The following PHF19 variants were observed in gnomAD, a reference collection of about 807,000 sequenced individuals.
PHF19 encodes the protein PHD finger protein 19, also known as polycomb like 3.
In PHF19, 21 loss-of-function variants were observed where a neutral mutation model predicts 79.8. The ratio of observed to expected loss-of-function variants is 0.26; its 90% confidence interval spans 0.19 to 0.38. PHF19 has a LOEUF of 0.38. PHF19 is among the 10% of genes least tolerant of loss of function. PHF19 has a pLI of 1.00. For synonymous variants in PHF19, 273 were observed against 296.3 expected, an observed-to-expected ratio of 0.92 and a Z score of 0.81; for missense variants, 445 against 744.2, an observed-to-expected ratio of 0.60 and a Z score of 4.68.
intron 3 of PHF19, among the ~76,000 whole-genome samples, chr9:120,871,673 T>C (rs558286014): frequency 2.0e-5 from 3 of 152,344 alleles, no homozygotes; most frequent in Non-Finnish European, 4.4e-5. Context: ...GGTTTGTATG[T>C]ATACATTAAA....
upstream of PHF19, among the ~76,000 whole-genome samples, chr9:120,896,913 G>A (rs1588143861): frequency 6.6e-6 from 1 of 152,296 alleles, no homozygotes; most frequent in African/African-American, 2.4e-5. Context: ...CGCCCCCACT[G>A]AAAGGCTGCA....
intron 3 of PHF19, 31 bp downstream of exon 3, chr9:120,873,947 TG>T: frequency 8.8e-7 from 1 of 1,137,820 alleles, no homozygotes; most frequent in Non-Finnish European, 1.3e-6. Context: ...CTGGGGAGGT[TG>T]GGGGCTACCC....
chr9:120,873,157 T>C (rs546377278), intron 3 of PHF19, among the ~76,000 whole-genome samples: 13 of 152,358 alleles, frequency 8.5e-5, no homozygotes, highest in South Asian at 2.1e-4. Flanking sequence ...ATCTGCTTCT[T>C]ACCCTGCTAG....
At chr9:120,896,258 G>T (rs1479520028), upstream of PHF19, among the ~76,000 whole-genome samples, 2 of 151,988 alleles carry the variant, frequency 1.3e-5, no homozygotes, top group African/African-American at 4.8e-5. Context: ...ACTCGTACCT[G>T]GCACTCTGCT....
At position 120,869,483 on chromosome 9, in the gene PHF19, A is replaced by G; in HGVS notation, c.466-153T>C. On this transcript the variant is annotated intron_variant, in intron 5 of 14. Coordinates refer to ENST00000373896, the MANE Select transcript of PHF19 (RefSeq NM_015651.3). This position sits in a 1 kb window ranked among gnomAD's most constrained non-coding sequence, Gnocchi z 5.8. Reference sequence around the variant, plus strand: ...AAAAGCAAGGAGCTTTTTCTCATTAATTCCAAACCCATCCCCTCTATCCCA... The same window carrying G: ...AAAAGCAAGGAGCTTTTTCTCATTAGTTCCAAACCCATCCCCTCTATCCCA... 1 of 1,343,002 alleles carries G rather than the reference A, an allele frequency of 7.4e-7. No homozygotes were observed. The allele number at this position is 1,343,002 out of a possible 1,614,324, so 83.2% of individuals were successfully genotyped here.
chr9:120,873,840 T>C, intron 3 of PHF19, 139 bp downstream of exon 3: 2 of 632,106 alleles, frequency 3.2e-6, no homozygotes, highest in Non-Finnish European at 2.9e-6. Flanking sequence ...TTGATCATCA[T>C]CACAGGTGGG....
At position 120,874,492 on chromosome 9, in the gene PHF19, C is replaced by G. The variant is rs2045990708; in HGVS notation, c.186+64G>C. 8.9e-7 allele frequency: 1 copy of G among 1,121,292 alleles called. No homozygotes were observed. The allele number at this position is 1,121,292 out of a possible 1,614,324, so 69.5% of individuals were successfully genotyped here. ...TCCCCCTGCCCCCTGGTCTGACAGC[C>G]AGGCTGGAACATGAGCAGAGAGATT... On this transcript the variant is annotated intron_variant, in intron 2 of 14. Coordinates refer to ENST00000373896, the MANE Select transcript of PHF19 (RefSeq NM_015651.3). This position sits in a 1 kb window ranked among gnomAD's most constrained non-coding sequence, Gnocchi z 4.5.
At position 120,877,104 on chromosome 9, in the gene PHF19, G is replaced by C. The variant is rs868089437; in HGVS notation, c.-29C>G. ...CGCAGAACTCACCGCGAGGCTGCGTGTCCGCCGGTCCCACTTGGAGTCTGG... is the reference window on the plus strand; with the variant it reads ...CGCAGAACTCACCGCGAGGCTGCGTCTCCGCCGGTCCCACTTGGAGTCTGG... On this transcript the variant is annotated 5_prime_UTR_variant, in exon 1 of 15. Transcript: ENST00000373896. The C allele has an allele frequency of 4.1e-6, 4 of 985,172 alleles. No individual in the cohort carries two copies. Among genetic ancestry groups the C allele is most frequent in the Middle Eastern group, 5.2e-4 (1 of 1,934 alleles). The allele number at this position is 985,172 out of a possible 1,614,324, so 61.0% of individuals were successfully genotyped here.
intron 1 of PHF19, among the ~76,000 whole-genome samples, chr9:120,885,150 C>T (rs147082056): frequency 4.5e-4 from 69 of 152,176 alleles, no homozygotes; most frequent in Non-Finnish European, 5.1e-4. Context: ...CCCAGAAGTT[C>T]GAGGATGCAG....
Position 120,866,770 on chromosome 9 carries a change from C to G in PHF19, c.710+100G>C, listed in dbSNP as rs558384976. The G allele has an allele frequency of 1.8e-4, 128 of 727,616 alleles. No homozygotes were observed. The South Asian group carries it at 1.9e-3, about 11-fold the overall frequency. 45.1% of individuals were successfully genotyped at this position (727,616 alleles called of 1,614,324 possible). The stretch of plus-strand genomic sequence containing the variant: ...AGGCATACATTGTCACAGACCTCCT[C>G]TTGTCTGGAGCCTGGCAGTCAACCT... On this transcript the variant is annotated intron_variant, in intron 7 of 14. Coordinates refer to ENST00000373896, the MANE Select transcript of PHF19 (RefSeq NM_015651.3). The surrounding 1 kb of genome is among the most constrained non-coding windows in gnomAD (Gnocchi z 5.2).
At chr9:120,871,195 G>A (rs1279477898) in intron 3 of PHF19, among the ~76,000 whole-genome samples, 1 of 152,180 alleles carries the variant, frequency 6.6e-6, no homozygotes, top group African/African-American at 2.4e-5. Context: ...GAGCCACTGT[G>A]CCCAGCCTAG....
In PHF19 at chr9:120,870,698, T is replaced by C. The variant is rs1192333562; in HGVS notation, c.269-160A>G. On this transcript the variant is annotated intron_variant, in intron 3 of 14. Coordinates refer to ENST00000373896, the MANE Select transcript of PHF19 (RefSeq NM_015651.3). The surrounding 1 kb of genome is among the most constrained non-coding windows in gnomAD (Gnocchi z 4.4). ...AACCACTCTGAGATGCCTATCATCA[T>C]TACCATTCGAAAGATGGGGAAATTG... 2.6e-5 allele frequency among the ~76,000 whole-genome samples: 4 copies of C among 152,198 alleles called. No homozygotes were observed. The highest frequency in any genetic ancestry group is 5.9e-5 in the Non-Finnish European group (4 of 68,032).
chr9:120,885,670 G>A (rs570656610), intron 1 of PHF19, among the ~76,000 whole-genome samples: 1 of 151,968 alleles, frequency 6.6e-6, no homozygotes, highest in Non-Finnish European at 1.5e-5. Flanking sequence ...CAGCACATGA[G>A]CCATAAGTGG....
chr9:120,895,164 C>T (rs1332131411), upstream of PHF19, among the ~76,000 whole-genome samples: 1 of 152,158 alleles, frequency 6.6e-6, no homozygotes, highest in Non-Finnish European at 1.5e-5. Context: ...TAAAGGACTC[C>T]ACGTCCAGTG....
intron 3 of PHF19, among the ~76,000 whole-genome samples, chr9:120,871,564 GT>G (rs2045894904): frequency 6.6e-6 from 1 of 152,116 alleles, no homozygotes; most frequent in African/African-American, 2.4e-5. Flanking sequence ...ACTGGCTGAT[GT>G]TTTTAAAATT....
chr9:120,866,882 A>G lies in PHF19; in HGVS notation c.698T>C (p.Met233Thr). ...AATTAGCACCTACCGGTCTCCAAAC[A>G]TCATGGGCTCATTGAGGCACTGGGT... Reference protein sequence around the residue: ...ACTQCLNEPMMFGDRFYLFFC... With the variant: ...ACTQCLNEPMTFGDRFYLFFC... Residue 233 changes from methionine (M) to threonine (T), a missense_variant, in exon 7 of 15, where the codon ATG becomes ACG. By Grantham distance (81) the Met-to-Thr change is moderately conservative. Transcript: ENST00000373896. This position sits in a 1 kb window ranked among gnomAD's most constrained non-coding sequence, Gnocchi z 5.2. 1 of 1,604,498 alleles carries G rather than the reference A, an allele frequency of 6.2e-7. No homozygotes were observed. Among genetic ancestry groups the G allele is most frequent in the Non-Finnish European group, 8.5e-7 (1 of 1,171,248 alleles).
chr9:120,858,811 T>TCACACACACACA lies in PHF19; in HGVS notation c.1401-537_1401-526dup, dbSNP rs56042039. 8.4e-3 allele frequency among the ~76,000 whole-genome samples: 1,032 copies of TCACACACACACA among 122,844 alleles called. 8 individuals carry two copies. Among genetic ancestry groups the TCACACACACACA allele is most frequent in the Non-Finnish European group, 0.011 (636 of 57,680 alleles). 80.6% of individuals were successfully genotyped at this position (122,844 alleles called of 152,430 possible). Reference sequence around the variant, plus strand: ...GCCTGGATGGAGAGACTGACAGACATCACACACACACACACACACACACAC... The same window carrying TCACACACACACA: ...GCCTGGATGGAGAGACTGACAGACATCACACACACACACACACACACACACACACACACACAC... On this transcript the variant is annotated intron_variant, in intron 14 of 14. Transcript: ENST00000373896.
chr9:120,859,085 C>G (rs1037590066), intron 14 of PHF19, among the ~76,000 whole-genome samples: 3 of 152,096 alleles, frequency 2.0e-5, no homozygotes, highest in Non-Finnish European at 4.4e-5. Context: ...TGCCACTGCA[C>G]TCTAATTTGG....
intron 1 of PHF19, among the ~76,000 whole-genome samples, chr9:120,890,395 G>A (rs910625627): frequency 1.9e-4 from 29 of 151,612 alleles, no homozygotes; most frequent in African/African-American, 6.8e-4. Context: ...GCTTTGGGCA[G>A]CCCATAAAAA....
Sources: gnomAD v4.1 joint callset for allele counts (sites outside exome capture counted in the v4.1 genomes callset) on GRCh38, gnomAD v4.1.1 for gene constraint, Gnocchi (gnomAD v3.1) non-coding constraint, MANE v1.5 for transcripts, NCBI Gene and HGNC (gene_info 2026-07-23, HGNC 2026-07-21) for gene names.